Variants in RORA observed in about 807,000 individuals in gnomAD.
RORA encodes RAR related orphan receptor A, also known as nuclear receptor ROR-alpha.
A neutral mutation model predicts 69.5 loss-of-function variants in RORA; 7 were observed. The ratio of observed to expected loss-of-function variants is 0.10; its 90% CI spans 0.06 to 0.19. The LOEUF is 0.19. RORA is among the 10% of genes least tolerant of loss of function. RORA has a pLI of 1.00. For missense variants in RORA, 457 were observed against 663.0 expected, an observed-to-expected ratio of 0.69 and a Z score of 3.41; for synonymous variants, 261 against 240.8, an observed-to-expected ratio of 1.08 and a Z score of -0.78.
At chr15:61,150,576 T>C (rs1317763355) in intron 1 of RORA, among the ~76,000 whole-genome samples, 1 of 152,198 alleles carries the variant, frequency 6.6e-6, no homozygotes, top group Non-Finnish European at 1.5e-5. Context: ...GACCAAAATA[T>C]ACAAAAAGGC....
At chr15:60,994,434 T>C (rs1894468653) in intron 1 of RORA, among the ~76,000 whole-genome samples, 1 of 152,186 alleles carries the variant, frequency 6.6e-6, no homozygotes, top group Admixed American at 6.5e-5. Flanking sequence ...GACCTACATC[T>C]CCATTCTCAA....
intron 1 of RORA, among the ~76,000 whole-genome samples, chr15:61,072,780 TAAG>T (rs984501869): frequency 5.3e-5 from 8 of 152,214 alleles, no homozygotes; most frequent in Non-Finnish European, 1.0e-4. Context: ...CATATGACCC[TAAG>T]AAGAACCCAA....
chr15:60,837,777 G>C (rs1453477950), intron 1 of RORA, among the ~76,000 whole-genome samples: 1 of 152,006 alleles, frequency 6.6e-6, no homozygotes, highest in Non-Finnish European at 1.5e-5. Flanking sequence ...GTTAGCATCT[G>C]ATTGTTTCTT....
At chr15:60,756,730 G>C (rs1166400241) in intron 1 of RORA, among the ~76,000 whole-genome samples, 1 of 152,104 alleles carries the variant, frequency 6.6e-6, no homozygotes, top group Non-Finnish European at 1.5e-5. Flanking sequence ...TCTAGCATTA[G>C]TTGTAAAGGC....
intron 2 of RORA, among the ~76,000 whole-genome samples, chr15:60,623,842 C>T (rs933138558): frequency 1.4e-4 from 22 of 152,166 alleles, no homozygotes; most frequent in Non-Finnish European, 2.9e-4. Flanking sequence ...ACCCAGGAGA[C>T]GCAGTTTGAG....
intron 2 of RORA, among the ~76,000 whole-genome samples, chr15:60,539,918 G>A (rs1054135151): frequency 2.0e-5 from 3 of 152,076 alleles, no homozygotes; most frequent in Admixed American, 1.3e-4. Context: ...TAAAGTCCTT[G>A]AAGATTTTCT....
chr15:60,822,331 G>A (rs1350857442), intron 1 of RORA, among the ~76,000 whole-genome samples: 3 of 152,136 alleles, frequency 2.0e-5, no homozygotes, highest in Admixed American at 1.3e-4. Flanking sequence ...AAATGAACCT[G>A]GCTCTCCTAA....
intron 2 of RORA, among the ~76,000 whole-genome samples, chr15:60,636,369 G>A (rs2069839480): frequency 6.6e-6 from 1 of 152,190 alleles, no homozygotes. Context: ...ACTAAAACCT[G>A]AGAAAGGGCA....
At chr15:60,851,919 T>C (rs2073329241) in intron 1 of RORA, among the ~76,000 whole-genome samples, 2 of 152,160 alleles carry the variant, frequency 1.3e-5, no homozygotes, top group South Asian at 4.1e-4. Flanking sequence ...TGATAATGTC[T>C]CAGCTCCCTG....
chr15:60,965,650 A>G (rs1893534900), intron 1 of RORA, among the ~76,000 whole-genome samples: 1 of 152,244 alleles, frequency 6.6e-6, no homozygotes, highest in South Asian at 2.1e-4. Flanking sequence ...TGGAGAGGGC[A>G]GAAGCCTCTT....
At chr15:60,899,514 T>C (rs1036887543) in intron 1 of RORA, among the ~76,000 whole-genome samples, 1 of 152,244 alleles carries the variant, frequency 6.6e-6, no homozygotes, top group Non-Finnish European at 1.5e-5. Flanking sequence ...GGGAGTTTCC[T>C]GAGCAAGCAT....
At chr15:61,148,420 T>C (rs2079369708) in intron 1 of RORA, among the ~76,000 whole-genome samples, 1 of 152,124 alleles carries the variant, frequency 6.6e-6, no homozygotes. Flanking sequence ...AATGGTCCAC[T>C]AGACTACAAA....
intron 1 of RORA, among the ~76,000 whole-genome samples, chr15:60,911,844 C>T (rs943788367): frequency 2.7e-5 from 4 of 147,034 alleles, no homozygotes; most frequent in Admixed American, 1.4e-4. Context: ...GGATTACAGA[C>T]GTGCACCTGG....
intron 1 of RORA, among the ~76,000 whole-genome samples, chr15:61,193,730 T>A (rs1197983449): frequency 2.0e-5 from 3 of 152,236 alleles, no homozygotes; most frequent in Non-Finnish European, 4.4e-5. Flanking sequence ...TCCTAACAAT[T>A]CTGTAATTTT....
At chr15:61,199,259 A>AG (rs202213427) in intron 1 of RORA, among the ~76,000 whole-genome samples, 1 of 149,412 alleles carries the variant, frequency 6.7e-6, no homozygotes, top group African/African-American at 2.6e-5. Flanking sequence ...CAGGAAAGAA[A>AG]GGGAAAAAAA....
intron 2 of RORA, chr15:60,627,186 G>A: frequency 6.6e-7 from 1 of 1,520,706 alleles, no homozygotes; most frequent in Non-Finnish European, 9.1e-7. Flanking sequence ...GTGGTGGGGG[G>A]AGGGTACACA....
intron 2 of RORA, chr15:60,556,711 C>A: frequency 1.5e-6 from 1 of 671,872 alleles, no homozygotes; most frequent in Non-Finnish European, 2.6e-6. Context: ...ATCCTCTATG[C>A]CTGGAAGTTC....
intron 1 of RORA, among the ~76,000 whole-genome samples, chr15:60,719,311 G>C (rs953352283): frequency 4.6e-5 from 7 of 152,124 alleles, no homozygotes; most frequent in Non-Finnish European, 7.3e-5. Context: ...AAAAATGTGT[G>C]TGTGTGTGTT....
chr15:60,611,700 C>T (rs2069096365), intron 2 of RORA, among the ~76,000 whole-genome samples: 1 of 150,548 alleles, frequency 6.6e-6, no homozygotes, highest in Non-Finnish European at 1.5e-5. Flanking sequence ...TGGCCATAGA[C>T]ACAAGCTGCT....
Sources: gnomAD v4.1 joint callset for allele counts (sites outside exome capture counted in the v4.1 genomes callset) on GRCh38, gnomAD v4.1.1 for gene constraint, MANE v1.5 for transcripts, NCBI Gene and HGNC (gene_info 2026-07-23, HGNC 2026-07-21) for gene names.